PWWP2A: variants seen among roughly 807,000 people sequenced by gnomAD.
PWWP2A encodes the protein PWWP domain containing 2A, also known as PWWP domain-containing protein 2A.
Under a neutral mutation model 48.5 loss-of-function variants are expected in PWWP2A, and 18 were observed. The ratio of observed to expected loss-of-function variants is 0.37; its 90% CI spans 0.26 to 0.55. PWWP2A has a LOEUF of 0.55. Ranked by LOEUF, PWWP2A falls within the 20% of genes least tolerant of loss-of-function variation. The pLI, the probability that PWWP2A is intolerant of heterozygous loss-of-function variation, is 0.81. For synonymous variants in PWWP2A, 396 were observed against 387.7 expected (o/e 1.02, Z -0.25); for missense variants, 867 against 976.4 (o/e 0.89, Z 1.49).
downstream of PWWP2A, among the ~76,000 whole-genome samples, chr5:160,089,329 AATAG>A (rs775493381): frequency 4.3e-4 from 66 of 152,204 alleles, no homozygotes; most frequent in Admixed American, 2.1e-3. Flanking sequence ...GATACAGGCG[AATAG>A]CTGGGACTAT....
At chr5:160,064,766 G>A (rs1753549870) in intron 4 of PWWP2A, among the ~76,000 whole-genome samples, 1 of 152,168 alleles carries the variant, frequency 6.6e-6, no homozygotes, top group African/African-American at 2.4e-5. Flanking sequence ...GGGGAATAGG[G>A]GCTGGGAACT....
chr5:160,113,346 C>A, intron 1 of PWWP2A: 1 of 982,112 alleles, frequency 1.0e-6, no homozygotes, highest in African/African-American at 1.7e-5. Context: ...AATAATAATA[C>A]AACAGGGAGG....
Position 160,094,059 on chromosome 5 carries a change from C to A in PWWP2A, c.591G>T (p.Gly197=). ...GVLMDLSKRF[G]PHGIPVTVFP... ...ATACTGTCACAGGGATACCATGGGG[C>A]CCAAACCTTTGAAAGAAATGGAAGA... The change falls in exon 2 of 2, where the codon GGG becomes GGT. Residue 197 remains glycine, a synonymous_variant. Coordinates refer to ENST00000307063, the MANE Select transcript of PWWP2A (RefSeq NM_001130864.2). The A allele has an allele frequency of 6.3e-7, 1 of 1,585,654 alleles. No individual in the cohort carries two copies. The highest frequency in any genetic ancestry group is 8.6e-7 in the Non-Finnish European group (1 of 1,164,364).
chr5:160,075,098 T>C (rs530986542), downstream of PWWP2A, among the ~76,000 whole-genome samples: 186 of 152,362 alleles, frequency 1.2e-3, no homozygotes, highest in African/African-American at 4.3e-3. Flanking sequence ...TACTGATACA[T>C]GTATACATGA....
chr5:160,092,374 G>T lies in PWWP2A; in HGVS notation c.*8C>A. The stretch of plus-strand genomic sequence containing the variant: ...TTCCAATGGTCTTGCCTACCTTACT[G>T]CCCATGTTCACGTTTCAAACTGTGT... On this transcript the variant is annotated 3_prime_UTR_variant, in exon 2 of 2. Coordinates refer to ENST00000307063, the MANE Select transcript of PWWP2A (RefSeq NM_001130864.2). 1 of 1,530,408 alleles carries T rather than the reference G, an allele frequency of 6.5e-7. No individual in the cohort carries two copies. The highest frequency in any genetic ancestry group is 8.8e-7 in the Non-Finnish European group (1 of 1,138,082). The allele number at this position is 1,530,408 out of a possible 1,614,324, so 94.8% of individuals were successfully genotyped here. A position where few individuals can be genotyped will look rare whatever the true frequency, so the allele number is the denominator to read the frequency against.
At chr5:160,118,674 G>C in intron 1 of PWWP2A, 131 bp downstream of exon 1, 1 of 935,340 alleles carries the variant, frequency 1.1e-6, no homozygotes, top group South Asian at 3.6e-5. Context: ...CGCGCGCCAC[G>C]CGCCGCGCAG....
downstream of PWWP2A, chr5:160,090,114 T>C: frequency 1.0e-6 from 1 of 985,322 alleles, no homozygotes; most frequent in Non-Finnish European, 1.2e-6. Flanking sequence ...TGCTCAACCT[T>C]TTCCTCAAAG....
At chr5:160,066,180 ATG>A (rs1425392041) in intron 4 of PWWP2A, among the ~76,000 whole-genome samples, 1 of 151,968 alleles carries the variant, frequency 6.6e-6, no homozygotes, top group African/African-American at 2.4e-5. Context: ...TTTCCTGAAA[ATG>A]TGTGTGTGAA....
intron 2 of PWWP2A, among the ~76,000 whole-genome samples, chr5:160,068,007 C>G (rs1753654815): frequency 6.6e-6 from 1 of 152,092 alleles, no homozygotes; most frequent in South Asian, 2.1e-4. Context: ...ATGGTGAAAC[C>G]CCATCTCTAC....
intron 1 of PWWP2A, among the ~76,000 whole-genome samples, chr5:160,099,867 T>C (rs759239502): frequency 5.3e-5 from 8 of 151,884 alleles, no homozygotes; most frequent in South Asian, 2.1e-4. Flanking sequence ...AGTTTCGCCA[T>C]GTTGGCCAGG....
downstream of PWWP2A, among the ~76,000 whole-genome samples, chr5:160,073,223 A>T (rs1753786048): frequency 9.0e-6 from 1 of 111,706 alleles, no homozygotes; most frequent in Non-Finnish European, 1.8e-5. Context: ...TAGTATAAAA[A>T]CATTTCTTTT....
chr5:160,053,114 G>C, the PWWP2A span, among the ~76,000 whole-genome samples: 1 of 152,138 alleles, frequency 6.6e-6, no homozygotes, highest in East Asian at 1.9e-4. Context: ...CTTCCTCCTT[G>C]TTGCTGATGA....
chr5:160,071,926 T>A (rs1308622397), downstream of PWWP2A, among the ~76,000 whole-genome samples: 1 of 152,218 alleles, frequency 6.6e-6, no homozygotes, highest in African/African-American at 2.4e-5. Flanking sequence ...ACTCTTCCTC[T>A]GATCTTATCT....
downstream of PWWP2A, among the ~76,000 whole-genome samples, chr5:160,072,436 G>T (rs1753760185): frequency 6.6e-6 from 1 of 152,198 alleles, no homozygotes. Flanking sequence ...CCTTCAAGGG[G>T]CAGTTTATGA....
chr5:160,111,115 C>G (rs1282849363), intron 1 of PWWP2A, among the ~76,000 whole-genome samples: 7 of 151,964 alleles, frequency 4.6e-5, no homozygotes, highest in Non-Finnish European at 1.0e-4. Context: ...TCACTTGAGG[C>G]CAGGAGGTTG....
At chr5:160,097,336 C>CAAAAA (rs70987999) in intron 1 of PWWP2A, among the ~76,000 whole-genome samples, 6 of 34,392 alleles carry the variant, frequency 1.7e-4, no homozygotes, top group Non-Finnish European at 2.5e-4. Flanking sequence ...GCCTTTGTCT[C>CAAAAA]AAAAAAAAAA....
Position 160,093,804 on chromosome 5 carries a change from A to G in PWWP2A, c.846T>C (p.Tyr282=). The G allele has an allele frequency of 4.3e-6, 7 of 1,614,000 alleles. No individual in the cohort carries two copies. Among genetic ancestry groups the G allele is most frequent in the Non-Finnish European group, 5.9e-6 (7 of 1,179,884 alleles). The part of the protein sequence containing the change: ...YPPPLFIRDT[Y]NQSIPQPPPR... ...GAGGTGGCTGAGGTATTGATTGGTT[A>G]TATGTGTCCCTGATAAACAAAGGGG... Residue 282 remains tyrosine (Y), a synonymous_variant, in exon 2 of 2, where the codon TAT becomes TAC. Transcript: ENST00000307063. This position sits in a 1 kb window ranked among gnomAD's most constrained non-coding sequence, Gnocchi z 5.8.
the PWWP2A span, among the ~76,000 whole-genome samples, chr5:160,052,233 C>T: frequency 6.6e-6 from 1 of 152,138 alleles, no homozygotes; most frequent in African/African-American, 2.4e-5. Context: ...CTTGGCCAGG[C>T]ACGGTGGCTC....
downstream of PWWP2A, chr5:160,075,805 T>TAAAAA (rs58558222): frequency 1.9e-3 from 130 of 69,830 alleles, no homozygotes; most frequent in African/African-American, 6.9e-3. Flanking sequence ...ATTCTAATAG[T>TAAAAA]AAAAAAAAAA....
Sources: allele counts gnomAD v4.1 joint callset (sites outside exome capture counted in the v4.1 genomes callset), GRCh38; gene constraint gnomAD v4.1.1; non-coding constraint Gnocchi (gnomAD v3.1); transcripts MANE v1.5; gene names NCBI Gene and HGNC (gene_info 2026-07-23, HGNC 2026-07-21).